SLC24A2: variants seen among roughly 807,000 people sequenced by gnomAD.
SLC24A2 encodes solute carrier family 24 member 2.
SLC24A2 carries 36 observed loss-of-function variants against 62.0 expected under a neutral mutation model. That is an observed-to-expected ratio of 0.58 (90% CI 0.44 to 0.77). The LOEUF (loss-of-function observed/expected upper bound fraction) is 0.77, where lower values mean the gene tolerates loss of function less well. SLC24A2 is among the 30% of genes least tolerant of loss of function. The probability of loss-of-function intolerance (pLI) is 0.00; values close to 1 mark genes in which losing one functional copy is unlikely to be tolerated. For missense variants in SLC24A2, 846 were observed against 817.9 expected (o/e 1.03, Z -0.42); for synonymous variants, 358 against 294.0 (o/e 1.22, Z -2.23).
chr9:19,558,156 T>G (rs190438623), intron 7 of SLC24A2, among the ~76,000 whole-genome samples: 1 of 152,228 alleles, frequency 6.6e-6, no homozygotes, highest in East Asian at 1.9e-4. Context: ...ATTCTTTTCC[T>G]TTTCTCAGAG....
chr9:19,520,762 T>C, intron 10 of SLC24A2, 132 bp downstream of exon 10: 1 of 825,746 alleles, frequency 1.2e-6, no homozygotes, highest in East Asian at 2.5e-5. Context: ...GCAATGGTAT[T>C]CTCAATCTTT....
the SLC24A2 span, among the ~76,000 whole-genome samples, chr9:20,225,151 T>G: frequency 6.6e-6 from 1 of 152,254 alleles, no homozygotes; most frequent in South Asian, 2.1e-4. Flanking sequence ...GAACCTGACC[T>G]AAGAAAGAAG....
chr9:20,238,633 T>G, the SLC24A2 span, among the ~76,000 whole-genome samples: 1 of 152,210 alleles, frequency 6.6e-6, no homozygotes, highest in Non-Finnish European at 1.5e-5. Flanking sequence ...ATTTTCTCCC[T>G]CTCTGGGCTG....
At chr9:19,913,211 A>T in the SLC24A2 span, among the ~76,000 whole-genome samples, 1 of 152,064 alleles carries the variant, frequency 6.6e-6, no homozygotes, top group South Asian at 2.1e-4. Flanking sequence ...GTTTTTCCAA[A>T]ATATAGGCCC....
At chr9:20,277,745 C>T in the SLC24A2 span, among the ~76,000 whole-genome samples, 2 of 152,088 alleles carry the variant, frequency 1.3e-5, no homozygotes, top group East Asian at 1.9e-4. Flanking sequence ...GGTATATACC[C>T]GAAGGATTAT....
the SLC24A2 span, among the ~76,000 whole-genome samples, chr9:20,127,086 CCTCTT>C: frequency 6.6e-6 from 1 of 151,378 alleles, no homozygotes; most frequent in Non-Finnish European, 1.5e-5. Flanking sequence ...CACCCTAACC[CCTCTT>C]CTCTTCATGT....
the SLC24A2 span, among the ~76,000 whole-genome samples, chr9:20,185,698 C>T: frequency 6.7e-6 from 1 of 150,294 alleles, no homozygotes; most frequent in Non-Finnish European, 1.5e-5. Flanking sequence ...AAAGAAAAAA[C>T]ATTACTCAGC....
At chr9:19,972,015 G>C in the SLC24A2 span, among the ~76,000 whole-genome samples, 2 of 152,100 alleles carry the variant, frequency 1.3e-5, no homozygotes, top group African/African-American at 4.8e-5. Context: ...CCACAAATCT[G>C]GCTCAAGAAC....
chr9:19,966,931 C>G, the SLC24A2 span, among the ~76,000 whole-genome samples: 154 of 152,132 alleles, frequency 1.0e-3, no homozygotes, highest in African/African-American at 3.5e-3. Flanking sequence ...TACTGTGAGA[C>G]CAATTTTTCT....
At chr9:19,806,873 C>T in the SLC24A2 span, among the ~76,000 whole-genome samples, 1 of 152,152 alleles carries the variant, frequency 6.6e-6, no homozygotes, top group South Asian at 2.1e-4. Context: ...AAGTAGGTCC[C>T]TCCTTTCTTT....
chr9:19,837,681 C>A, the SLC24A2 span, among the ~76,000 whole-genome samples: 62 of 151,902 alleles, frequency 4.1e-4, no homozygotes, highest in African/African-American at 1.5e-3. Flanking sequence ...ATCGTCTCAG[C>A]CAAAAATCTC....
At chr9:19,856,530 G>A in the SLC24A2 span, among the ~76,000 whole-genome samples, 8 of 152,114 alleles carry the variant, frequency 5.3e-5, no homozygotes, top group African/African-American at 1.7e-4. Context: ...ATTTTAACAG[G>A]TAAGACCCTC....
At chr9:20,224,688 GA>G in the SLC24A2 span, among the ~76,000 whole-genome samples, 5 of 151,572 alleles carry the variant, frequency 3.3e-5, no homozygotes, top group African/African-American at 9.7e-5. Context: ...AAAAGGCAGA[GA>G]AGAAGAGGGA....
the SLC24A2 span, among the ~76,000 whole-genome samples, chr9:20,233,089 G>A: frequency 1.3e-5 from 2 of 152,252 alleles, no homozygotes; most frequent in Admixed American, 6.5e-5. Flanking sequence ...TGGTCTGAGA[G>A]ACAGTTTGTT....
the SLC24A2 span, among the ~76,000 whole-genome samples, chr9:20,161,413 A>T: frequency 0.18 from 27,535 of 151,238 alleles, 2,577 homozygotes; most frequent in Middle Eastern, 0.25. Context: ...CCTGATTTTT[A>T]AAAATAGTAC....
At chr9:20,051,669 T>C in the SLC24A2 span, among the ~76,000 whole-genome samples, 1 of 141,048 alleles carries the variant, frequency 7.1e-6, no homozygotes, top group Admixed American at 7.3e-5. Flanking sequence ...TTTTTTTTTT[T>C]TTTTTTTTTT....
intron 7 of SLC24A2, among the ~76,000 whole-genome samples, chr9:19,567,962 G>A (rs1260297696): frequency 6.6e-6 from 1 of 152,178 alleles, no homozygotes; most frequent in African/African-American, 2.4e-5. Flanking sequence ...AGGTGACAAT[G>A]TGAAATTAGT....
the SLC24A2 span, among the ~76,000 whole-genome samples, chr9:20,117,367 T>G: frequency 6.6e-6 from 1 of 152,152 alleles, no homozygotes; most frequent in Admixed American, 6.6e-5. Context: ...GCCTCTTACA[T>G]GAAAGAGATA....
At chr9:20,230,981 T>G in the SLC24A2 span, among the ~76,000 whole-genome samples, 5 of 152,228 alleles carry the variant, frequency 3.3e-5, no homozygotes, top group Admixed American at 6.5e-5. Context: ...CACCATTTAT[T>G]AAATAGGGAA....
Sources: allele counts gnomAD v4.1 joint callset (sites outside exome capture counted in the v4.1 genomes callset), GRCh38; gene constraint gnomAD v4.1.1; transcripts MANE v1.5; gene names NCBI Gene and HGNC (gene_info 2026-07-23, HGNC 2026-07-21).